Variants in CEP57L1 observed in about 807,000 individuals in gnomAD.
CEP57L1 encodes the protein centrosomal protein 57 like 1.
A neutral mutation model predicts 61.0 loss-of-function variants in CEP57L1; 37 were observed. The ratio of observed to expected loss-of-function variants is 0.61; its 90% CI spans 0.47 to 0.80. The LOEUF is 0.80. Among genes scored for constraint, CEP57L1 ranks in the 30% least tolerant of loss-of-function variants. The pLI is 0.00. For missense variants in CEP57L1, 422 were observed against 524.7 expected (o/e 0.80, Z 1.91); for synonymous variants, 137 against 162.3 (o/e 0.84, Z 1.19).
intron 1 of CEP57L1, among the ~76,000 whole-genome samples, chr6:109,111,007 G>T (rs1424166101): frequency 6.6e-6 from 1 of 152,082 alleles, no homozygotes; most frequent in Non-Finnish European, 1.5e-5. Context: ...TTGGCTATGC[G>T]GGCTCTTTTT....
chr6:109,122,935 C>T (rs1013158719), intron 1 of CEP57L1, among the ~76,000 whole-genome samples: 2 of 152,146 alleles, frequency 1.3e-5, no homozygotes, highest in Non-Finnish European at 2.9e-5. Flanking sequence ...TTTCTTTGCT[C>T]ATTCCTTCAG....
At chr6:109,135,103 C>A (rs942063648) in intron 1 of CEP57L1, among the ~76,000 whole-genome samples, 1 of 152,098 alleles carries the variant, frequency 6.6e-6, no homozygotes, top group Non-Finnish European at 1.5e-5. Context: ...CCCGCATCGC[C>A]AAGTCAATCC....
intron 1 of CEP57L1, among the ~76,000 whole-genome samples, chr6:109,143,489 ATCTCT>A (rs1009861437): frequency 6.6e-6 from 1 of 152,074 alleles, no homozygotes; most frequent in African/African-American, 2.4e-5. Context: ...TTGTCCTCTC[ATCTCT>A]TTACTGTTTT....
At chr6:109,112,264 GC>G (rs1004080683) in intron 1 of CEP57L1, among the ~76,000 whole-genome samples, 1 of 152,078 alleles carries the variant, frequency 6.6e-6, no homozygotes, top group African/African-American at 2.4e-5. Flanking sequence ...GGGTGTATGT[GC>G]CCCGGAATTT....
chr6:109,115,147 A>G (rs907438608), intron 1 of CEP57L1, among the ~76,000 whole-genome samples: 3 of 152,106 alleles, frequency 2.0e-5, no homozygotes, highest in Admixed American at 6.5e-5. Context: ...AAAATCTTCT[A>G]TTGTTAATTT....
At chr6:109,105,800 C>T (rs955712162) in intron 1 of CEP57L1, among the ~76,000 whole-genome samples, 1 of 152,124 alleles carries the variant, frequency 6.6e-6, no homozygotes, top group African/African-American at 2.4e-5. Flanking sequence ...CTGTTAAGAA[C>T]GAGACCACAC....
intron 1 of CEP57L1, among the ~76,000 whole-genome samples, chr6:109,116,377 A>G (rs969415375): frequency 7.9e-5 from 12 of 152,046 alleles, no homozygotes; most frequent in Non-Finnish European, 1.6e-4. Flanking sequence ...TGGTTTCTCC[A>G]TGTTGGTCAG....
At position 109,146,787 on chromosome 6, in the gene CEP57L1, G is replaced by GA. The variant is rs1423719296; in HGVS notation, c.196dup (p.Ile66AsnfsTer12). 6.3e-7 allele frequency: 1 copy of GA among 1,580,056 alleles called. No homozygotes were observed. The highest frequency in any genetic ancestry group is 1.2e-5 in the South Asian group (1 of 84,044). On this transcript the variant is annotated frameshift_variant, in exon 3 of 11. Coordinates refer to ENST00000517392, the MANE Select transcript of CEP57L1 (RefSeq NM_001271852.3). LOFTEE classifies it high-confidence loss of function. Reference sequence around the variant, plus strand: ...TATTTTAGCCTTAAAAACTCTTCAGGAAAAAATTCATCGTTTAGAGCTGGA... The same window carrying GA: ...TATTTTAGCCTTAAAAACTCTTCAGGAAAAAAATTCATCGTTTAGAGCTGGA...
At chr6:109,135,368 A>G (rs1329581913) in intron 1 of CEP57L1, among the ~76,000 whole-genome samples, 2 of 152,240 alleles carry the variant, frequency 1.3e-5, no homozygotes, top group Non-Finnish European at 1.5e-5. Context: ...CATATGTAGA[A>G]AGCTGAAACT....
At chr6:109,134,237 G>A (rs1356754313) in intron 1 of CEP57L1, among the ~76,000 whole-genome samples, 3 of 151,970 alleles carry the variant, frequency 2.0e-5, no homozygotes, top group Admixed American at 1.3e-4. Context: ...CTTCATCCCT[G>A]GGATGCAAGG....
rs1262960243 is a variant in CEP57L1 at position 109,170,957 on chromosome 6, AT to A, written c.*7988del. Among the ~76,000 whole-genome samples, 1 of 152,224 alleles carries A rather than the reference AT, an allele frequency of 6.6e-6. No homozygotes were observed. Among genetic ancestry groups the A allele is most frequent in the East Asian group, 1.9e-4 (1 of 5,202 alleles). Reference sequence around the variant, plus strand: ...ATCTGCTTTTACTTTAATCTAAAAAATAATTGATTTTTTAAAAAACTTATTC... The same window carrying A: ...ATCTGCTTTTACTTTAATCTAAAAAAAATTGATTTTTTAAAAAACTTATTC... On this transcript the variant is annotated 3_prime_UTR_variant, in exon 11 of 11. Coordinates refer to ENST00000517392, the MANE Select transcript of CEP57L1 (RefSeq NM_001271852.3).
intron 1 of CEP57L1, chr6:109,140,825 G>A (rs1422527867): frequency 6.6e-6 from 1 of 151,622 alleles, no homozygotes; most frequent in Non-Finnish European, 1.5e-5. Flanking sequence ...ATAATTTTTA[G>A]AGTTTTTTAT....
chr6:109,101,237 A>G (rs549235182), intron 1 of CEP57L1, among the ~76,000 whole-genome samples: 4 of 152,318 alleles, frequency 2.6e-5, no homozygotes, highest in Non-Finnish European at 5.9e-5. Context: ...TTAATTAGGG[A>G]ACAGATATTG....
Position 109,122,934 on chromosome 6 carries a change from T to C in CEP57L1, c.-3-22285T>C, listed in dbSNP as rs77288701. On this transcript the variant is annotated intron_variant, in intron 1 of 10. Coordinates refer to ENST00000517392, the MANE Select transcript of CEP57L1 (RefSeq NM_001271852.3). Reference sequence around the variant, plus strand: ...ATGTCATTGTTACACATTTCTTTGCTCATTCCTTCAGTGATCTTCAAACTT... The same window carrying C: ...ATGTCATTGTTACACATTTCTTTGCCCATTCCTTCAGTGATCTTCAAACTT... Among the ~76,000 whole-genome samples the C allele has an allele frequency of 8.3e-3, 1,263 of 152,308 alleles. 24 individuals carry two copies. The highest frequency in any genetic ancestry group is 0.029 in the African/African-American group (1,212 of 41,570).
intron 7 of CEP57L1, 129 bp from the exon 8 acceptor site, chr6:109,158,896 A>G: frequency 3.7e-6 from 3 of 821,774 alleles, no homozygotes; most frequent in Non-Finnish European, 5.8e-6. Flanking sequence ...TATGTCAGTG[A>G]AATTTCTGTC....
upstream of CEP57L1, chr6:109,095,478 C>T (rs770477684): frequency 1.6e-5 from 16 of 985,736 alleles, no homozygotes; most frequent in Non-Finnish European, 1.8e-5. Context: ...TTGTTTGCGA[C>T]AGAAACTACA....
intron 1 of CEP57L1, among the ~76,000 whole-genome samples, chr6:109,123,168 G>C (rs1773172820): frequency 6.6e-6 from 1 of 152,070 alleles, no homozygotes; most frequent in Non-Finnish European, 1.5e-5. Context: ...CATGGCTTCA[G>C]CTGCCATCTA....
intron 1 of CEP57L1, among the ~76,000 whole-genome samples, chr6:109,131,946 T>C (rs931364861): frequency 6.6e-6 from 1 of 152,098 alleles, no homozygotes; most frequent in African/African-American, 2.4e-5. Flanking sequence ...ATCCCCAAAG[T>C]GTGAATCATC....
At chr6:109,158,876 T>C (rs534149953) in intron 7 of CEP57L1, 149 bp from the exon 8 acceptor site, 3 of 692,778 alleles carry the variant, frequency 4.3e-6, no homozygotes, top group African/African-American at 1.8e-5. Flanking sequence ...ATGTTTGTCA[T>C]ACGTATGTCT....
Sources: gnomAD v4.1 joint callset for allele counts (sites outside exome capture counted in the v4.1 genomes callset) on GRCh38, gnomAD v4.1.1 for gene constraint, MANE v1.5 for transcripts, NCBI Gene and HGNC (gene_info 2026-07-23, HGNC 2026-07-21) for gene names.